MAML1: variants seen among roughly 807,000 people sequenced by gnomAD.
The protein encoded by MAML1 is mastermind-like protein 1.
MAML1 carries 14 observed loss-of-function variants against 77.1 expected under a neutral mutation model. The observed-to-expected ratio is 0.18, with a 90% CI of 0.12 to 0.28. The LOEUF is 0.28. Among genes scored for constraint, MAML1 ranks in the 10% least tolerant of loss-of-function variants. The pLI is 1.00. For synonymous variants in MAML1, 516 were observed against 551.9 expected (o/e 0.93, Z 0.91); for missense variants, 1,217 against 1,327.8 (o/e 0.92, Z 1.30).
rs540088894 is a variant in MAML1, at chr5:179,733,419, C to T, written c.307C>T (p.Pro103Ser). ...CGCTGACGGCCCCGAGCACGGCCGC[C>T]CGGCCACGGTGAGTAGGGCGCGGGA... ...DAADGPEHGRPATHLHDTVKR... is the reference protein window; with the variant it reads ...DAADGPEHGRSATHLHDTVKR... Residue 103 changes from proline to serine, a missense_variant, in exon 1 of 5, where the codon CCG (proline) becomes TCG (serine). Pro to Ser is a moderately conservative substitution (Grantham distance 74). This residue lies in a region of MAML1 where 312 missense variants were observed against 331.4 expected (regional missense o/e 0.94). Coordinates refer to ENST00000292599, the MANE Select transcript of MAML1 (RefSeq NM_014757.5). 11 of 1,104,842 alleles carry T rather than the reference C, an allele frequency of 1.0e-5. No individual in the cohort carries two copies. Among genetic ancestry groups the T allele is most frequent in the East Asian group, 5.8e-5 (1 of 17,148 alleles). The allele number at this position is 1,104,842 out of a possible 1,614,324, so 68.4% of individuals were successfully genotyped here. A position where few individuals can be genotyped will look rare whatever the true frequency, so the allele number is the denominator to read the frequency against.
At chr5:179,755,643 A>G (rs1350427596) in intron 1 of MAML1, among the ~76,000 whole-genome samples, 1 of 152,042 alleles carries the variant, frequency 6.6e-6, no homozygotes, top group Non-Finnish European at 1.5e-5. Flanking sequence ...ATGGCTTTGA[A>G]TGCAGCCCAA....
Position 179,766,393 on chromosome 5 carries a change from C to T in MAML1, c.1383C>T (p.Asn461=). ...CCAGCTACAAGCAAGACTTCACTAA[C>T]TCCAAACTGCTCATGATGCCTAGTG... ...SPSSYKQDFT[N]SKLLMMPSVN... is the part of the protein sequence containing the mutation. Residue 461 remains asparagine, a synonymous_variant, in exon 2 of 5, where the codon AAC becomes AAT. Transcript: ENST00000292599. This position sits in a 1 kb window ranked among gnomAD's most constrained non-coding sequence, Gnocchi z 4.0. 2.5e-6 allele frequency: 4 copies of T among 1,611,424 alleles called. No homozygotes were observed. The highest frequency in any genetic ancestry group is 3.4e-6 in the Non-Finnish European group (4 of 1,178,528).
At chr5:179,738,783 C>CTT (rs11299146) in intron 1 of MAML1, among the ~76,000 whole-genome samples, 12 of 146,380 alleles carry the variant, frequency 8.2e-5, no homozygotes, top group African/African-American at 2.0e-4. Context: ...TTATTGGCAT[C>CTT]TTTTTTTTTT....
chr5:179,762,031 C>T (rs1481595608), intron 1 of MAML1, among the ~76,000 whole-genome samples: 2 of 152,074 alleles, frequency 1.3e-5, no homozygotes, highest in African/African-American at 4.8e-5. Context: ...ATGAGTAGGG[C>T]TAGAAAGGGG....
chr5:179,735,729 C>G (rs1433445069), intron 1 of MAML1, among the ~76,000 whole-genome samples: 1 of 150,830 alleles, frequency 6.6e-6, no homozygotes, highest in East Asian at 1.9e-4. Context: ...GCCCTGTCAC[C>G]CAGGCTGGAG....
At chr5:179,752,106 T>A (rs1779499275) in intron 1 of MAML1, among the ~76,000 whole-genome samples, 1 of 151,782 alleles carries the variant, frequency 6.6e-6, no homozygotes, top group Non-Finnish European at 1.5e-5. Flanking sequence ...GGTGGGTGGA[T>A]CACGAGGTGA....
chr5:179,758,138 C>T (rs1290892219), intron 1 of MAML1, among the ~76,000 whole-genome samples: 2 of 152,120 alleles, frequency 1.3e-5, no homozygotes, highest in South Asian at 2.1e-4. Flanking sequence ...GATGTGAAAA[C>T]GTTTAGGCAC....
At chr5:179,752,632 A>G (rs1399987519) in intron 1 of MAML1, among the ~76,000 whole-genome samples, 2 of 112,326 alleles carry the variant, frequency 1.8e-5, no homozygotes, top group Non-Finnish European at 3.3e-5. Flanking sequence ...TTTGAGATGG[A>G]ATCTCGCTCT....
At chr5:179,751,538 C>T (rs915143536) in intron 1 of MAML1, among the ~76,000 whole-genome samples, 4 of 152,014 alleles carry the variant, frequency 2.6e-5, no homozygotes, top group Non-Finnish European at 5.9e-5. Context: ...AAGCCCGTCT[C>T]TACTAAAAAT....
chr5:179,770,401 C>CG (rs1304117050), intron 3 of MAML1, among the ~76,000 whole-genome samples: 2 of 151,934 alleles, frequency 1.3e-5, no homozygotes, highest in African/African-American at 4.8e-5. Flanking sequence ...GAGCAGAGAT[C>CG]GCGCCACTGC....
chr5:179,762,485 G>A (rs919782727), intron 1 of MAML1, among the ~76,000 whole-genome samples: 5 of 152,124 alleles, frequency 3.3e-5, no homozygotes, highest in South Asian at 2.1e-4. Context: ...AGCCGACCAC[G>A]AGCATCTGAT....
intron 1 of MAML1, among the ~76,000 whole-genome samples, chr5:179,752,350 A>AAATATAT (rs1554150144): frequency 1.0e-4 from 7 of 66,716 alleles, no homozygotes; most frequent in Admixed American, 4.6e-4. Context: ...AAAAAAAAAA[A>AAATATAT]ATATATATAT....
chr5:179,746,737 A>T (rs961855122), intron 1 of MAML1, among the ~76,000 whole-genome samples: 6 of 152,226 alleles, frequency 3.9e-5, no homozygotes. Context: ...ACATATAATC[A>T]AAAATTAACT....
chr5:179,741,273 G>A (rs913597100), intron 1 of MAML1, among the ~76,000 whole-genome samples: 2 of 152,180 alleles, frequency 1.3e-5, no homozygotes, highest in African/African-American at 2.4e-5. Flanking sequence ...CCTGTATCGC[G>A]GAGCCTAAGT....
intron 2 of MAML1, among the ~76,000 whole-genome samples, chr5:179,768,178 C>T (rs1388589213): frequency 2.0e-5 from 3 of 152,216 alleles, no homozygotes; most frequent in Admixed American, 6.5e-5. Context: ...TCCCCTAGGC[C>T]GGGTGCAGTG....
At chr5:179,736,006 C>T (rs947309004) in intron 1 of MAML1, among the ~76,000 whole-genome samples, 8 of 151,964 alleles carry the variant, frequency 5.3e-5, no homozygotes, top group Admixed American at 3.9e-4. Flanking sequence ...ATTTTTAGCA[C>T]ATGGTCACTT....
chr5:179,764,073 T>C (rs1722503369), intron 1 of MAML1, among the ~76,000 whole-genome samples: 1 of 152,144 alleles, frequency 6.6e-6, no homozygotes, highest in Non-Finnish European at 1.5e-5. Flanking sequence ...TTCTGTCCCC[T>C]TCCCATCCCT....
In MAML1 at chr5:179,774,086, A is replaced by G; in HGVS notation, c.2260A>G (p.Ser754Gly). 6.2e-7 allele frequency: 1 copy of G among 1,614,004 alleles called. No homozygotes were observed. Among genetic ancestry groups the G allele is most frequent in the Non-Finnish European group, 8.5e-7 (1 of 1,180,024 alleles). ...CCCTGGCTCCCAAAACATGCCTCAG[A>G]GCAGCCTCTATGGCATGGCTTCTGG... is the stretch of plus-strand genomic sequence containing the variant. ...QFPGSQNMPQSSLYGMASGIT... is the reference protein window; with the variant it reads ...QFPGSQNMPQGSLYGMASGIT... Residue 754 changes from serine to glycine, a missense_variant, in exon 5 of 5, where the codon AGC becomes GGC. Transcript: ENST00000292599.
chr5:179,766,216 C>G lies in MAML1; in HGVS notation c.1206C>G (p.Ile402Met), dbSNP rs765608533. 1.7e-5 allele frequency: 27 copies of G among 1,612,746 alleles called. No individual in the cohort carries two copies. The Admixed American group carries it at 2.5e-4, about 15-fold the overall frequency. Residue 402 changes from isoleucine (I) to methionine (M), a missense_variant, in exon 2 of 5, where the codon ATC becomes ATG. Physicochemically the swap from Ile to Met is conservative, Grantham distance 10. Around this residue, in one of 3 missense-constraint regions of MAML1, gnomAD observed 884 missense variants for 949.3 expected, o/e 0.93. Transcript: ENST00000292599. This position sits in a 1 kb window ranked among gnomAD's most constrained non-coding sequence, Gnocchi z 4.0. ...CCTCTGCCCACCAGCTCCAGCAGAT[C>G]GCTGCCAAGCAGAAGCGCGAGCAGA... ...ELSSAHQLQQ[I>M]AAKQKREQML...
Sources: allele counts gnomAD v4.1 joint callset (sites outside exome capture counted in the v4.1 genomes callset), GRCh38; gene constraint gnomAD v4.1.1; regional missense constraint gnomAD v4.1.1; non-coding constraint Gnocchi (gnomAD v3.1); transcripts MANE v1.5; gene names NCBI Gene and HGNC (gene_info 2026-07-23, HGNC 2026-07-21).